The following CCNJL variants were observed in gnomAD, a reference collection of about 807,000 sequenced individuals.
CCNJL encodes the protein cyclin J like, also known as cyclin-J-like protein.
In CCNJL, 33 loss-of-function variants were observed where a neutral mutation model predicts 33.4. That is an observed-to-expected ratio of 0.99 (90% confidence interval 0.75 to 1.32). The LOEUF (loss-of-function observed/expected upper bound fraction) is 1.32, where lower values mean the gene tolerates loss of function less well. Among genes scored for constraint, CCNJL ranks in the 40% most tolerant of loss-of-function variants. CCNJL has a pLI of 0.00. For missense variants in CCNJL, 512 were observed against 499.7 expected, an observed-to-expected ratio of 1.02 and a Z score of -0.23; for synonymous variants, 227 against 220.9, an observed-to-expected ratio of 1.03 and a Z score of -0.24.
In CCNJL at chr5:160,281,824, T is replaced by C. The variant is rs186072649; in HGVS notation, c.67-1086A>G. Among the ~76,000 whole-genome samples the C allele has an allele frequency of 3.7e-3, 557 of 152,134 alleles. 1 individual carries two copies. The highest frequency in any genetic ancestry group is 0.02 in the Middle Eastern group (6 of 294). ...CATCACTGCACCCAGCTAATTGTTT[T>C]TGTATTTTTTGTAGAGACAGGGGTC... On this transcript the variant is annotated intron_variant, in intron 2 of 5. Coordinates refer to ENST00000257536, the MANE Select transcript of CCNJL (RefSeq NM_001308173.3).
At chr5:160,289,356 GAA>G (rs1313744599) in intron 2 of CCNJL, among the ~76,000 whole-genome samples, 1 of 152,134 alleles carries the variant, frequency 6.6e-6, no homozygotes, top group Non-Finnish European at 1.5e-5. Context: ...ATGGACGTCT[GAA>G]TACATGGAGA....
rs1390608389 is a variant in CCNJL, at chr5:160,253,749, A to T, written c.793T>A (p.Leu265Met). 4 of 1,551,862 alleles carry T rather than the reference A, an allele frequency of 2.6e-6. No individual in the cohort carries two copies. In the South Asian group the frequency reaches 4.8e-5, roughly 19 times the overall value. The change falls in exon 6 of 6, where the codon TTG becomes ATG. Residue 265 changes from leucine to methionine, a missense_variant. Leu to Met is a conservative substitution (Grantham distance 15). Coordinates refer to ENST00000257536, the MANE Select transcript of CCNJL (RefSeq NM_001308173.3). ...GGGGGTGTGCCGGGCACCATTGCCAAGGCCTGGCTCTTGACGGCTACGGCA... is the reference window on the plus strand; with the variant it reads ...GGGGGTGTGCCGGGCACCATTGCCATGGCCTGGCTCTTGACGGCTACGGCA... ...KDAVAVKSQA[L>M]AMVPGTPPTP...
intron 1 of CCNJL, among the ~76,000 whole-genome samples, chr5:160,335,485 T>C (rs980821766): frequency 6.6e-6 from 1 of 152,206 alleles, no homozygotes; most frequent in Non-Finnish European, 1.5e-5. Flanking sequence ...CAAAATGCTC[T>C]TTCAAGGTCT....
chr5:160,308,152 A>G (rs1763151177), intron 2 of CCNJL, among the ~76,000 whole-genome samples: 2 of 152,354 alleles, frequency 1.3e-5, no homozygotes, highest in East Asian at 3.9e-4. Flanking sequence ...TACTCTGAGC[A>G]GCACTATGTG....
chr5:160,287,108 A>G (rs1242792709), intron 2 of CCNJL, among the ~76,000 whole-genome samples: 2 of 152,134 alleles, frequency 1.3e-5, no homozygotes, highest in Non-Finnish European at 2.9e-5. Context: ...TCTTAGTTCC[A>G]CTATTTACCA....
chr5:160,299,663 A>G (rs1394461826), intron 2 of CCNJL, among the ~76,000 whole-genome samples: 1 of 151,334 alleles, frequency 6.6e-6, no homozygotes, highest in East Asian at 1.9e-4. Context: ...GTAAAATGAC[A>G]CACTGTCTGG....
chr5:160,290,582 GAAAAA>G (rs1182683114), intron 2 of CCNJL, among the ~76,000 whole-genome samples: 5 of 152,152 alleles, frequency 3.3e-5, no homozygotes, highest in Non-Finnish European at 2.9e-5. Context: ...AGTCACTGCT[GAAAAA>G]GGTGTTTCAG....
intron 1 of CCNJL, among the ~76,000 whole-genome samples, chr5:160,324,971 G>T (rs1359453106): frequency 6.6e-6 from 1 of 152,154 alleles, no homozygotes; most frequent in East Asian, 1.9e-4. Flanking sequence ...TGCTTCCAAG[G>T]TACTTGGTGT....
chr5:160,312,340 C>T (rs1157778181), intron 1 of CCNJL, 24 bp downstream of exon 1: 2 of 199,938 alleles, frequency 1.0e-5, no homozygotes, highest in African/African-American at 2.4e-5. Flanking sequence ...CCACATCCTG[C>T]CCTCGAGCCG....
intron 2 of CCNJL, chr5:160,294,624 A>G (rs374198569): frequency 2.0e-5 from 3 of 152,622 alleles, no homozygotes; most frequent in East Asian, 1.9e-4. Context: ...TGGGGCCTCC[A>G]AACACCCCCA....
intron 2 of CCNJL, among the ~76,000 whole-genome samples, chr5:160,293,574 T>C (rs962196957): frequency 6.6e-6 from 1 of 152,208 alleles, no homozygotes; most frequent in Non-Finnish European, 1.5e-5. Flanking sequence ...GGCATGCGCA[T>C]GTCCGGTCCT....
chr5:160,336,132 A>G (rs1490026709), intron 1 of CCNJL, among the ~76,000 whole-genome samples: 1 of 152,254 alleles, frequency 6.6e-6, no homozygotes, highest in Non-Finnish European at 1.5e-5. Context: ...TCGTCAGTCC[A>G]GAACTCTTCT....
At chr5:160,284,419 C>A (rs960663915) in intron 2 of CCNJL, among the ~76,000 whole-genome samples, 3 of 150,524 alleles carry the variant, frequency 2.0e-5, no homozygotes, top group Non-Finnish European at 4.4e-5. Flanking sequence ...AATAAAGCTG[C>A]TATAAAAAAA....
chr5:160,250,533 G>C lies in CCNJL; in HGVS notation c.*2845C>G, dbSNP rs1032619094. 1 of 152,234 alleles carries C rather than the reference G, an allele frequency of 6.6e-6. No homozygotes were observed. Among genetic ancestry groups the C allele is most frequent in the African/African-American group, 2.4e-5 (1 of 41,456 alleles). The allele number at this position is 152,234 out of a possible 1,614,324, so 9.4% of individuals were successfully genotyped here. ...AATGTCTCAGCCCCACAGTGACACC[G>C]GCTCTCTGGGGTGGTTCTCCTGCTG... On this transcript the variant is annotated 3_prime_UTR_variant, in exon 6 of 6. Coordinates refer to ENST00000257536, the MANE Select transcript of CCNJL (RefSeq NM_001308173.3).
upstream of CCNJL, among the ~76,000 whole-genome samples, chr5:160,317,624 T>A (rs1332134693): frequency 1.3e-5 from 2 of 152,188 alleles, no homozygotes; most frequent in Non-Finnish European, 2.9e-5. Context: ...GGATCATGTG[T>A]ACAAGTGGGC....
At chr5:160,330,257 T>C (rs1299256840) in intron 1 of CCNJL, among the ~76,000 whole-genome samples, 1 of 152,178 alleles carries the variant, frequency 6.6e-6, no homozygotes, top group Non-Finnish European at 1.5e-5. Context: ...AAAAACATCC[T>C]GAAGTCCAGG....
intron 2 of CCNJL, among the ~76,000 whole-genome samples, chr5:160,303,704 G>GTC (rs1762999215): frequency 1.1e-5 from 1 of 88,214 alleles, no homozygotes; most frequent in African/African-American, 4.7e-5. Context: ...GTGTGTCTGT[G>GTC]TGTGTGTGTG....
At chr5:160,267,902 C>T (rs371808078) in intron 3 of CCNJL, among the ~76,000 whole-genome samples, 14 of 152,160 alleles carry the variant, frequency 9.2e-5, no homozygotes, top group South Asian at 2.1e-4. Flanking sequence ...CCTTTGCTTA[C>T]GCTACTTAGC....
intron 2 of CCNJL, among the ~76,000 whole-genome samples, chr5:160,298,458 T>C (rs1304525461): frequency 1.3e-5 from 2 of 151,850 alleles, no homozygotes; most frequent in Non-Finnish European, 1.5e-5. Context: ...GATGAGCAAA[T>C]CCTGATGGAG....
Sources: gnomAD v4.1 joint callset for allele counts (sites outside exome capture counted in the v4.1 genomes callset) on GRCh38, gnomAD v4.1.1 for gene constraint, MANE v1.5 for transcripts, NCBI Gene and HGNC (gene_info 2026-07-23, HGNC 2026-07-21) for gene names.